Variants in FBXW7 observed in about 807,000 individuals in gnomAD.
FBXW7 encodes F-box/WD repeat-containing protein 7.
Under a neutral mutation model 86.3 loss-of-function variants are expected in FBXW7, and 11 were observed. That is an observed-to-expected ratio of 0.13 (90% confidence interval 0.08 to 0.21). FBXW7 has a LOEUF of 0.21. Among genes scored for constraint, FBXW7 ranks in the 10% least tolerant of loss-of-function variants. The pLI is 1.00. For missense variants in FBXW7, 488 were observed against 847.4 expected (o/e 0.58, Z 5.27); for synonymous variants, 313 against 297.9 (o/e 1.05, Z -0.52).
At chr4:152,361,097 T>G (rs1732893848) in intron 4 of FBXW7, among the ~76,000 whole-genome samples, 1 of 152,030 alleles carries the variant, frequency 6.6e-6, no homozygotes, top group Admixed American at 6.6e-5. Flanking sequence ...CTATTTTGTT[T>G]TGGTGCTAGG....
intron 2 of FBXW7, among the ~76,000 whole-genome samples, chr4:152,510,333 C>T (rs1019420690): frequency 6.6e-6 from 1 of 152,154 alleles, no homozygotes; most frequent in Non-Finnish European, 1.5e-5. Context: ...ATTCAAGATG[C>T]CTGTGTACTT....
In FBXW7 at chr4:152,535,272, G is replaced by T. The variant is rs975954675; in HGVS notation, c.-358C>A. 3.7e-6 allele frequency: 1 copy of T among 268,404 alleles called. No individual in the cohort carries two copies. The allele number at this position is 268,404 out of a possible 1,614,324, so 16.6% of individuals were successfully genotyped here. Reference sequence around the variant, plus strand: ...GTGGAGGCTGCGGCCGGCCCCCCGGGTCCCCCCCGGCCCCGCCGCCCTCGG... The same window carrying T: ...GTGGAGGCTGCGGCCGGCCCCCCGGTTCCCCCCCGGCCCCGCCGCCCTCGG... On this transcript the variant is annotated 5_prime_UTR_variant, in exon 1 of 14. Transcript: ENST00000281708.
intron 7 of FBXW7, among the ~76,000 whole-genome samples, chr4:152,333,409 T>C (rs1729757897): frequency 6.6e-6 from 1 of 152,086 alleles, no homozygotes; most frequent in Non-Finnish European, 1.5e-5. Context: ...AAAACTTTGT[T>C]TATAATACTT....
intron 5 of FBXW7, among the ~76,000 whole-genome samples, chr4:152,349,804 T>TTCACAAGATA (rs1731630126): frequency 6.6e-6 from 1 of 151,864 alleles, no homozygotes; most frequent in Admixed American, 6.6e-5. Context: ...TAAATTTTTG[T>TTCACAAGATA]TCACAAGATA....
At chr4:152,463,686 G>T (rs1743165351) in intron 2 of FBXW7, among the ~76,000 whole-genome samples, 1 of 152,188 alleles carries the variant, frequency 6.6e-6, no homozygotes, top group African/African-American at 2.4e-5. Flanking sequence ...CAATTTTGGG[G>T]TGCTAAGGAC....
chr4:152,504,605 C>A (rs1489734816), intron 2 of FBXW7, among the ~76,000 whole-genome samples: 1 of 152,120 alleles, frequency 6.6e-6, no homozygotes, highest in Non-Finnish European at 1.5e-5. Flanking sequence ...GCAAATATTA[C>A]AGAAAAATTA....
chr4:152,515,326 G>A (rs1238854207), intron 2 of FBXW7, among the ~76,000 whole-genome samples: 4 of 152,198 alleles, frequency 2.6e-5, no homozygotes, highest in Admixed American at 1.3e-4. Flanking sequence ...TGCCTGAAGC[G>A]AGGGTGCAGG....
At position 152,321,354 on chromosome 4, in the gene FBXW7, T is replaced by C. The variant is rs1728541896; in HGVS notation, c.*1527A>G. ...GACACAATCCCTTTAAAGGTTGTTT[T>C]CCTCCATCATGTCAGGTTGTTACAT... On this transcript the variant is annotated 3_prime_UTR_variant, in exon 14 of 14. Coordinates refer to ENST00000281708, the MANE Select transcript of FBXW7 (RefSeq NM_001349798.2). 4.3e-6 allele frequency: 1 copy of C among 232,994 alleles called. No homozygotes were observed. The highest frequency in any genetic ancestry group is 8.5e-6 in the Non-Finnish European group (1 of 117,638). 14.4% of individuals were successfully genotyped at this position (232,994 alleles called of 1,614,324 possible).
At chr4:152,494,184 A>G (rs777509599) in intron 2 of FBXW7, among the ~76,000 whole-genome samples, 10 of 152,254 alleles carry the variant, frequency 6.6e-5, no homozygotes, top group Non-Finnish European at 1.5e-4. Context: ...ACTGCAGAGA[A>G]AGGGAGAAAG....
chr4:152,382,172 A>T (rs1735135762), intron 4 of FBXW7: 1 of 1,511,822 alleles, frequency 6.6e-7, no homozygotes, highest in East Asian at 2.4e-5. Context: ...CATATTTTTC[A>T]AATGTGTGAG....
At chr4:152,436,301 GA>G (rs1740375964) in intron 2 of FBXW7, among the ~76,000 whole-genome samples, 3 of 152,178 alleles carry the variant, frequency 2.0e-5, no homozygotes, top group Non-Finnish European at 4.4e-5. Flanking sequence ...CATTTCCTTA[GA>G]CCAAAGCTTT....
At chr4:152,502,259 T>C (rs1413266191) in intron 2 of FBXW7, among the ~76,000 whole-genome samples, 1 of 152,208 alleles carries the variant, frequency 6.6e-6, no homozygotes, top group Non-Finnish European at 1.5e-5. Flanking sequence ...CTGTGTAAAA[T>C]GTCCTTCTAC....
At chr4:152,339,577 T>C (rs927197289) in intron 6 of FBXW7, among the ~76,000 whole-genome samples, 5 of 152,152 alleles carry the variant, frequency 3.3e-5, no homozygotes, top group African/African-American at 7.2e-5. Flanking sequence ...ATCTACATCA[T>C]AGACAATGCA....
At chr4:152,431,257 G>C (rs1739864893) in intron 2 of FBXW7, among the ~76,000 whole-genome samples, 1 of 152,172 alleles carries the variant, frequency 6.6e-6, no homozygotes, top group South Asian at 2.1e-4. Flanking sequence ...TTTAGTTACA[G>C]ATCTAACTGG....
intron 2 of FBXW7, among the ~76,000 whole-genome samples, chr4:152,470,563 A>G (rs996398545): frequency 4.6e-5 from 7 of 152,164 alleles, no homozygotes; most frequent in African/African-American, 1.7e-4. Context: ...AAAAATTAAA[A>G]TATTTTATGC....
rs779420495 is a variant in FBXW7 at position 152,332,711 on chromosome 4, G to C, written c.870C>G (p.Leu290=). 6.3e-7 allele frequency: 1 copy of C among 1,579,152 alleles called. No individual in the cohort carries two copies. The highest frequency in any genetic ancestry group is 8.6e-7 in the Non-Finnish European group (1 of 1,158,650). ...FISLLPKELA[L]YVLSFLEPKD... ...TGGGTTCCAGGAATGAAAGCACATA[G>C]AGTGCCAACTAAGAAAAAAATGCAT... The change falls in exon 8 of 14, where the codon CTC becomes CTG. Residue 290 remains leucine (L), a synonymous_variant. Coordinates refer to ENST00000281708, the MANE Select transcript of FBXW7 (RefSeq NM_001349798.2).
intron 2 of FBXW7, among the ~76,000 whole-genome samples, chr4:152,439,709 C>CA (rs1249412307): frequency 1.3e-5 from 2 of 151,594 alleles, no homozygotes; most frequent in Non-Finnish European, 2.9e-5. Context: ...CTAAAAAATA[C>CA]AAAAAAATTA....
chr4:152,413,491 A>G (rs1406101618), intron 2 of FBXW7, among the ~76,000 whole-genome samples: 1 of 152,100 alleles, frequency 6.6e-6, no homozygotes, highest in Non-Finnish European at 1.5e-5. Context: ...CAAGGCTCAA[A>G]ATGATTTAGT....
At chr4:152,395,086 G>A (rs1264690175) in intron 4 of FBXW7, among the ~76,000 whole-genome samples, 2 of 151,908 alleles carry the variant, frequency 1.3e-5, no homozygotes, top group Non-Finnish European at 2.9e-5. Flanking sequence ...CTTCCCCTGA[G>A]GACTCAGTAC....
Sources: gnomAD v4.1 joint callset for allele counts (sites outside exome capture counted in the v4.1 genomes callset) on GRCh38, gnomAD v4.1.1 for gene constraint, MANE v1.5 for transcripts, NCBI Gene and HGNC (gene_info 2026-07-23, HGNC 2026-07-21) for gene names.